The following PCDHB14 variants were observed in gnomAD, a reference collection of about 807,000 sequenced individuals.
PCDHB14 encodes protocadherin beta 14.
For synonymous variants in PCDHB14, 511 were observed against 441.5 expected (o/e 1.16, Z -1.97); for missense variants, 1,129 against 1,000.5 (o/e 1.13, Z -1.73).
Position 141,225,590 on chromosome 5 carries a change from C to G in PCDHB14, c.2085C>G (p.Ala695=), listed in dbSNP as rs4080545. The change falls in exon 1 of 1, where the codon GCC becomes GCG. Residue 695 remains alanine (A), a synonymous_variant. Coordinates refer to ENST00000239449, the MANE Select transcript of PCDHB14 (RefSeq NM_018934.4). ...CCGTCTACCTGGTGGTGGCATTGGC[C>G]TCGGTGTCGTCGCTCTTCCTCTTCT... ...SLTVYLVVAL[A]SVSSLFLFSV... is the part of the protein sequence containing the mutation. 33,950 of 1,611,536 alleles carry G rather than the reference C, an allele frequency of 0.021. 502 individuals are homozygous for G. The highest frequency in any genetic ancestry group is 0.023 in the Middle Eastern group (128 of 5,546).
In PCDHB14 at chr5:141,223,637, T is replaced by G. The variant is rs1254424632; in HGVS notation, c.132T>G (p.Phe44Leu). ...CAGAGGAAACAGAAATTGGCTCTTTTGTGGCTAATCTAGCGAGGGACCTAG... is the reference window on the plus strand; with the variant it reads ...CAGAGGAAACAGAAATTGGCTCTTTGGTGGCTAATCTAGCGAGGGACCTAG... ...SVAEETEIGS[F>L]VANLARDLGL... is the part of the protein sequence containing the mutation. The change falls in exon 1 of 1, where the codon TTT (phenylalanine) becomes TTG (leucine). Residue 44 changes from phenylalanine to leucine, a missense_variant. Physicochemically the swap from Phe to Leu is conservative, Grantham distance 22. Transcript: ENST00000239449. The G allele has an allele frequency of 1.2e-6, 2 of 1,614,064 alleles. No homozygotes were observed. The highest frequency in any genetic ancestry group is 1.3e-5 in the African/African-American group (1 of 74,924).
At position 141,224,658 on chromosome 5, in the gene PCDHB14, A is replaced by G. The variant is rs1262659303; in HGVS notation, c.1153A>G (p.Ile385Val). The G allele has an allele frequency of 2.5e-6, 4 of 1,614,022 alleles. No individual in the cohort carries two copies. The highest frequency in any genetic ancestry group is 1.7e-5 in the Admixed American group (1 of 60,008). ...SGDNGRMICSIQDNLPFFLKP... is the reference protein window; with the variant it reads ...SGDNGRMICSVQDNLPFFLKP... The stretch of plus-strand genomic sequence containing the variant: ...AGACAATGGGAGGATGATTTGCTCT[A>G]TTCAAGATAACCTCCCTTTTTTCCT... The change falls in exon 1 of 1, where the codon ATT becomes GTT. Residue 385 changes from isoleucine (I) to valine (V), a missense_variant. Physicochemically the swap from Ile to Val is conservative, Grantham distance 29 (BLOSUM62 3). Coordinates refer to ENST00000239449, the MANE Select transcript of PCDHB14 (RefSeq NM_018934.4).
In PCDHB14 at chr5:141,225,893, C is replaced by T. The variant is rs1554289611; in HGVS notation, c.2388C>T (p.Asn796=). The T allele has an allele frequency of 1.2e-6, 2 of 1,602,504 alleles. No homozygotes were observed. The highest frequency in any genetic ancestry group is 3.5e-5 in the Admixed American group (2 of 57,692). The change falls in exon 1 of 1, where the codon AAC becomes AAT. Residue 796 remains asparagine, a synonymous_variant. Coordinates refer to ENST00000239449, the MANE Select transcript of PCDHB14 (RefSeq NM_018934.4). The stretch of plus-strand genomic sequence containing the variant: ...ACTTTCGAAATAGCTTTGGACTTAA[C>T]ATTCAATAAAACAATTTATTTTAAA... ...IENFRNSFGL[N]IQ
Position 141,225,154 on chromosome 5 carries a change from T to C in PCDHB14, c.1649T>C (p.Leu550Pro). 1 of 1,611,346 alleles carries C rather than the reference T, an allele frequency of 6.2e-7. No individual in the cohort carries two copies. The highest frequency in any genetic ancestry group is 1.7e-5 in the Admixed American group (1 of 59,998). ...ALSSEALVRVLVLDANDNSPF... is the reference protein window; with the variant it reads ...ALSSEALVRVPVLDANDNSPF... ...AGCAGCGAGGCGCTGGTGCGCGTGCTGGTGCTGGACGCCAACGACAACTCG... is the reference window on the plus strand; with the variant it reads ...AGCAGCGAGGCGCTGGTGCGCGTGCCGGTGCTGGACGCCAACGACAACTCG... The change falls in exon 1 of 1, where the codon CTG becomes CCG. Residue 550 changes from leucine (L) to proline (P), a missense_variant. Coordinates refer to ENST00000239449, the MANE Select transcript of PCDHB14 (RefSeq NM_018934.4).
At position 141,224,835 on chromosome 5, in the gene PCDHB14, G is replaced by C. The variant is rs1187101261; in HGVS notation, c.1330G>C (p.Val444Leu). The C allele has an allele frequency of 1.2e-6, 2 of 1,613,954 alleles. No homozygotes were observed. Among genetic ancestry groups the C allele is most frequent in the Non-Finnish European group, 1.7e-6 (2 of 1,180,036 alleles). Residue 444 changes from valine (V) to leucine (L), a missense_variant, in exon 1 of 1, where the codon GTC becomes CTC. Physicochemically the swap from Val to Leu is conservative, Grantham distance 32 (BLOSUM62 1). Transcript: ENST00000239449. ...CAACATAACCGTGCTGCTCTCTGACGTCAATGACAACGCCCCCACCTTCAC... is the reference window on the plus strand; with the variant it reads ...CAACATAACCGTGCTGCTCTCTGACCTCAATGACAACGCCCCCACCTTCAC... ...EYNITVLLSD[V>L]NDNAPTFTQT... is the part of the protein sequence containing the mutation.
chr5:141,224,638 A>G lies in PCDHB14; in HGVS notation c.1133A>G (p.Asn378Ser), dbSNP rs1754797130. The G allele has an allele frequency of 1.9e-6, 3 of 1,614,186 alleles. No individual in the cohort carries two copies. Among genetic ancestry groups the G allele is most frequent in the African/African-American group, 1.3e-5 (1 of 75,040 alleles). Residue 378 changes from asparagine to serine, a missense_variant, in exon 1 of 1, where the codon AAT becomes AGT. Coordinates refer to ENST00000239449, the MANE Select transcript of PCDHB14 (RefSeq NM_018934.4). Reference protein sequence around the residue: ...FSILDQDSGDNGRMICSIQDN... With the variant: ...FSILDQDSGDSGRMICSIQDN... ...ATCCTAGACCAAGACTCTGGAGACA[A>G]TGGGAGGATGATTTGCTCTATTCAA...
rs141525851 is a variant in PCDHB14 at position 141,225,034 on chromosome 5, A to G, written c.1529A>G (p.Asn510Ser). 2.5e-5 allele frequency: 41 copies of G among 1,612,482 alleles called. No homozygotes were observed. The highest frequency in any genetic ancestry group is 3.3e-5 in the Non-Finnish European group (39 of 1,180,006). Reference protein sequence around the residue: ...LASLVSINADNGHLFALRSLD... With the variant: ...LASLVSINADSGHLFALRSLD... ...TCCTTGGTCTCCATCAACGCGGACA[A>G]TGGCCACCTGTTTGCCCTCAGGTCG... The change falls in exon 1 of 1, where the codon AAT becomes AGT. Residue 510 changes from asparagine to serine, a missense_variant. Physicochemically the swap from Asn to Ser is conservative, Grantham distance 46. Transcript: ENST00000239449.
chr5:141,225,878 T>G lies in PCDHB14; in HGVS notation c.2373T>G (p.Asn791Lys). 6.2e-7 allele frequency: 1 copy of G among 1,613,644 alleles called. No individual in the cohort carries two copies. The highest frequency in any genetic ancestry group is 8.5e-7 in the Non-Finnish European group (1 of 1,179,792). ...TGGGGGAAATCGAGAACTTTCGAAA[T>G]AGCTTTGGACTTAACATTCAATAAA... ...RNMGEIENFRNSFGLNIQ is the reference protein window; with the variant it reads ...RNMGEIENFRKSFGLNIQ Residue 791 changes from asparagine (N) to lysine (K), a missense_variant, in exon 1 of 1, where the codon AAT (asparagine) becomes AAG (lysine). Coordinates refer to ENST00000239449, the MANE Select transcript of PCDHB14 (RefSeq NM_018934.4).
Position 141,224,400 on chromosome 5 carries a change from G to T in PCDHB14, c.895G>T (p.Gly299Trp). 6.2e-7 allele frequency: 1 copy of T among 1,606,994 alleles called. No homozygotes were observed. The highest frequency in any genetic ancestry group is 8.5e-7 in the Non-Finnish European group (1 of 1,177,098). ...RKTFEINPIS[G>W]EVNLRSPLDF... Reference sequence around the variant, plus strand: ...AACATTTGAAATTAATCCAATATCTGGGGAAGTTAATTTGAGATCACCCCT... The same window carrying T: ...AACATTTGAAATTAATCCAATATCTTGGGAAGTTAATTTGAGATCACCCCT... The change falls in exon 1 of 1, where the codon GGG becomes TGG. Residue 299 changes from glycine (G) to tryptophan (W), a missense_variant. By Grantham distance (184) the Gly-to-Trp change is radical. Coordinates refer to ENST00000239449, the MANE Select transcript of PCDHB14 (RefSeq NM_018934.4).
rs782077099 is a variant in PCDHB14, at chr5:141,224,320, G to A, written c.815G>A (p.Gly272Glu). The A allele has an allele frequency of 1.9e-5, 30 of 1,613,750 alleles. No individual in the cohort carries two copies. The highest frequency in any genetic ancestry group is 1.6e-4 in the Middle Eastern group (1 of 6,082). ...ATCTCAGCTAAGGATCTGGATGCAG[G>A]AAACTATGGAAAAATATCTTACACA... ...ATISAKDLDA[G>E]NYGKISYTFF... Residue 272 changes from glycine to glutamate, a missense_variant, in exon 1 of 1, where the codon GGA (glycine) becomes GAA (glutamate). Transcript: ENST00000239449.
In PCDHB14 at chr5:141,225,617, G is replaced by T. The variant is rs782563810; in HGVS notation, c.2112G>T (p.Ser704=). The T allele has an allele frequency of 1.9e-6, 3 of 1,612,486 alleles. No homozygotes were observed. The highest frequency in any genetic ancestry group is 3.4e-4 in the Middle Eastern group (2 of 5,822). ...CGGTGTCGTCGCTCTTCCTCTTCTC[G>T]GTGCTCCTGTTCGTGGCGGTGCGGC... The part of the protein sequence containing the change: ...LASVSSLFLF[S]VLLFVAVRLC... The change falls in exon 1 of 1, where the codon TCG becomes TCT. Residue 704 remains serine, a synonymous_variant. Coordinates refer to ENST00000239449, the MANE Select transcript of PCDHB14 (RefSeq NM_018934.4).
rs903293032 is a variant in PCDHB14 at position 141,223,761 on chromosome 5, C to G, written c.256C>G (p.Leu86Val). The G allele has an allele frequency of 3.7e-6, 6 of 1,613,940 alleles. No homozygotes were observed. In the African/African-American group the frequency reaches 8.0e-5, roughly 22 times the overall value. ...TGATTTGCTGACTGGGAATTTGCTC[C>G]TAAATGAGAAACTAGACCGAGACGA... ...HLDLLTGNLL[L>V]NEKLDRDELC... The change falls in exon 1 of 1, where the codon CTA becomes GTA. Residue 86 changes from leucine (L) to valine (V), a missense_variant. Transcript: ENST00000239449.
Position 141,225,464 on chromosome 5 carries a change from G to C in PCDHB14, c.1959G>C (p.Ser653=), listed in dbSNP as rs781823333. 20 of 1,603,612 alleles carry C rather than the reference G, an allele frequency of 1.2e-5. No individual in the cohort carries two copies. Among genetic ancestry groups the C allele is most frequent in the Admixed American group, 1.0e-4 (6 of 59,966 alleles). ...AGGACAATGGCGAGCCTCCTCGCTC[G>C]GCCACCGCCACGCTGCACGTGCTCC... ...LVKDNGEPPR[S]ATATLHVLLV... Residue 653 remains serine (S), a synonymous_variant, in exon 1 of 1, where the codon TCG becomes TCC. Coordinates refer to ENST00000239449, the MANE Select transcript of PCDHB14 (RefSeq NM_018934.4).
In PCDHB14 at chr5:141,224,615, C is replaced by A; in HGVS notation, c.1110C>A (p.Ile370=). Residue 370 remains isoleucine (I), a synonymous_variant, in exon 1 of 1, where the codon ATC becomes ATA. Transcript: ENST00000239449. The part of the protein sequence containing the change: ...ASETLVALFS[I]LDQDSGDNGR... The stretch of plus-strand genomic sequence containing the variant: ...AGACCCTAGTAGCTCTTTTTAGTAT[C>A]CTAGACCAAGACTCTGGAGACAATG... 6.2e-7 allele frequency: 1 copy of A among 1,613,828 alleles called. No individual in the cohort carries two copies. The highest frequency in any genetic ancestry group is 8.5e-7 in the Non-Finnish European group (1 of 1,179,750).
At position 141,225,527 on chromosome 5, in the gene PCDHB14, T is replaced by G. The variant is rs139001624; in HGVS notation, c.2022T>G (p.Pro674=). 155 of 1,609,470 alleles carry G rather than the reference T, an allele frequency of 9.6e-5. No individual in the cohort carries two copies. Among genetic ancestry groups the G allele is most frequent in the African/African-American group, 2.4e-4 (18 of 74,896 alleles). The change falls in exon 1 of 1, where the codon CCT becomes CCG. Residue 674 remains proline, a synonymous_variant. Coordinates refer to ENST00000239449, the MANE Select transcript of PCDHB14 (RefSeq NM_018934.4). ...TCTCCCAGCCCTACCTGCCGCTCCC[T>G]GAGGCGGCCCCGGCCCAGGCCCAGG... ...DGFSQPYLPL[P]EAAPAQAQAD... is the part of the protein sequence containing the mutation.
Position 141,223,884 on chromosome 5 carries a change from A to C in PCDHB14, c.379A>C (p.Asn127His). 6.2e-7 allele frequency: 1 copy of C among 1,613,512 alleles called. No individual in the cohort carries two copies. Among genetic ancestry groups the C allele is most frequent in the Non-Finnish European group, 8.5e-7 (1 of 1,179,824 alleles). Residue 127 changes from asparagine to histidine, a missense_variant, in exon 1 of 1, where the codon AAT (asparagine) becomes CAT (histidine). Coordinates refer to ENST00000239449, the MANE Select transcript of PCDHB14 (RefSeq NM_018934.4). ...FRFELCVKDI[N>H]DHSPTFLDKE... ...GTTTGAGCTGTGTGTCAAAGACATA[A>C]ATGATCACTCCCCTACATTTCTAGA... is the stretch of plus-strand genomic sequence containing the variant.
In PCDHB14 at chr5:141,225,616, C is replaced by G. The variant is rs781826368; in HGVS notation, c.2111C>G (p.Ser704Trp). 13 of 1,612,354 alleles carry G rather than the reference C, an allele frequency of 8.1e-6. No homozygotes were observed. Among genetic ancestry groups the G allele is most frequent in the African/African-American group, 1.3e-5 (1 of 74,916 alleles). Residue 704 changes from serine to tryptophan, a missense_variant, in exon 1 of 1, where the codon TCG becomes TGG. Transcript: ENST00000239449. ...LASVSSLFLF[S>W]VLLFVAVRLC... ...TCGGTGTCGTCGCTCTTCCTCTTCT[C>G]GGTGCTCCTGTTCGTGGCGGTGCGG...
chr5:141,225,863 C>G lies in PCDHB14; in HGVS notation c.2358C>G (p.Ile786Met). ...ACACTGGTAGGAATATGGGGGAAAT[C>G]GAGAACTTTCGAAATAGCTTTGGAC... ...VHDTGRNMGEIENFRNSFGLN... is the reference protein window; with the variant it reads ...VHDTGRNMGEMENFRNSFGLN... The change falls in exon 1 of 1, where the codon ATC (isoleucine) becomes ATG (methionine). Residue 786 changes from isoleucine (I) to methionine (M), a missense_variant. Transcript: ENST00000239449. 6.2e-7 allele frequency: 1 copy of G among 1,613,856 alleles called. No homozygotes were observed. The highest frequency in any genetic ancestry group is 1.7e-4 in the Middle Eastern group (1 of 6,058).
rs368438526 is a variant in PCDHB14 at position 141,224,190 on chromosome 5, C to T, written c.685C>T (p.Leu229Phe). 1.2e-5 allele frequency: 20 copies of T among 1,613,888 alleles called. No homozygotes were observed. In the African/African-American group the frequency reaches 2.1e-4, roughly 17 times the overall value. The change falls in exon 1 of 1, where the codon CTC (leucine) becomes TTC (phenylalanine). Residue 229 changes from leucine to phenylalanine, a missense_variant. Transcript: ENST00000239449. ...GCCCAAGTCTGGGACAACTTTGGTT[C>T]TCATCAAGGTGTTGGACATCAATGA... The part of the protein sequence containing the change: ...SPPKSGTTLV[L>F]IKVLDINDNA...
Sources: allele counts gnomAD v4.1 joint callset, GRCh38; gene constraint gnomAD v4.1.1; transcripts MANE v1.5; gene names NCBI Gene and HGNC (gene_info 2026-07-23, HGNC 2026-07-21).